Variants in HAT1 observed in about 807,000 individuals in gnomAD.
HAT1 encodes the protein histone acetyltransferase 1.
Under a neutral mutation model 56.6 loss-of-function variants are expected in HAT1, and 20 were observed. That is an observed-to-expected ratio of 0.35 (90% CI 0.25 to 0.51). The LOEUF (loss-of-function observed/expected upper bound fraction) is 0.51. Among genes scored for constraint, HAT1 ranks in the 20% least tolerant of loss-of-function variants. The pLI, the probability that HAT1 is intolerant of heterozygous loss-of-function variation, is 0.95. For missense variants in HAT1, 408 were observed against 504.3 expected, an observed-to-expected ratio of 0.81 and a Z score of 1.83; for synonymous variants, 146 against 165.5, an observed-to-expected ratio of 0.88 and a Z score of 0.91.
intron 2 of HAT1, among the ~76,000 whole-genome samples, chr2:171,936,403 C>G (rs1044871850): frequency 6.6e-6 from 1 of 152,030 alleles, no homozygotes; most frequent in Non-Finnish European, 1.5e-5. Context: ...GAACTGTTAG[C>G]GCAAGATAGG....
At chr2:171,970,578 G>C (rs1687791630) in intron 8 of HAT1, among the ~76,000 whole-genome samples, 1 of 120,916 alleles carries the variant, frequency 8.3e-6, no homozygotes, top group Non-Finnish European at 1.6e-5. Context: ...GGAGTGCAGT[G>C]GTGCGATCTT....
At chr2:171,963,499 T>G (rs997759854) in intron 4 of HAT1, among the ~76,000 whole-genome samples, 1 of 152,166 alleles carries the variant, frequency 6.6e-6, no homozygotes, top group African/African-American at 2.4e-5. Context: ...TGATTTGCAA[T>G]GCCTTCTTGA....
chr2:171,971,385 A>AGAT (rs1261617199), intron 8 of HAT1, among the ~76,000 whole-genome samples: 1 of 152,238 alleles, frequency 6.6e-6, no homozygotes, highest in East Asian at 1.9e-4. Context: ...ATCACTGAAA[A>AGAT]GATCCTTCGT....
intron 9 of HAT1, among the ~76,000 whole-genome samples, chr2:171,978,700 A>G (rs1047733734): frequency 6.6e-6 from 1 of 152,122 alleles, no homozygotes; most frequent in Non-Finnish European, 1.5e-5. Flanking sequence ...ATTGGTCTCT[A>G]TGCACTTCTT....
At chr2:171,977,570 T>A (rs1190430559) in intron 9 of HAT1, among the ~76,000 whole-genome samples, 30 of 74,200 alleles carry the variant, frequency 4.0e-4, no homozygotes, top group African/African-American at 2.3e-3. Context: ...TTTTTTTTTT[T>A]TTTTTTTTTA....
chr2:171,956,352 G>A (rs555446378), intron 4 of HAT1, among the ~76,000 whole-genome samples: 12 of 151,724 alleles, frequency 7.9e-5, no homozygotes, highest in East Asian at 1.9e-4. Context: ...ACACACACAC[G>A]CTGACACACA....
intron 2 of HAT1, among the ~76,000 whole-genome samples, chr2:171,927,712 G>A (rs572970313): frequency 7.1e-4 from 107 of 151,528 alleles, no homozygotes; most frequent in Admixed American, 5.9e-4. Context: ...CTCAGCCTCC[G>A]TAGTAGCTGG....
intron 4 of HAT1, among the ~76,000 whole-genome samples, chr2:171,956,528 A>G (rs932650304): frequency 1.4e-4 from 22 of 152,138 alleles, no homozygotes; most frequent in African/African-American, 5.3e-4. Context: ...ACAAACAAAC[A>G]AACAAAAGAA....
At chr2:171,967,008 T>G (rs1469950739) in intron 8 of HAT1, 59 bp downstream of exon 8, 3 of 764,966 alleles carry the variant, frequency 3.9e-6, no homozygotes, top group Non-Finnish European at 4.5e-6. Flanking sequence ...TCTTACTGAT[T>G]GATTTTATTT....
intron 2 of HAT1, among the ~76,000 whole-genome samples, chr2:171,926,167 T>A (rs930313512): frequency 6.6e-6 from 1 of 152,032 alleles, no homozygotes; most frequent in Non-Finnish European, 1.5e-5. Context: ...ACCCAGGCTG[T>A]AGTGCCACGG....
intron 2 of HAT1, among the ~76,000 whole-genome samples, chr2:171,926,793 A>G (rs1307489903): frequency 6.6e-6 from 1 of 152,258 alleles, no homozygotes; most frequent in Non-Finnish European, 1.5e-5. Flanking sequence ...TTATACTGCC[A>G]GGTATCTGTC....
intron 8 of HAT1, among the ~76,000 whole-genome samples, chr2:171,972,019 G>A (rs1032063844): frequency 2.0e-5 from 3 of 152,142 alleles, no homozygotes; most frequent in Non-Finnish European, 4.4e-5. Context: ...GGGGCTGCAT[G>A]TTGCAAACTC....
At position 171,977,557 on chromosome 2, in the gene HAT1, A is replaced by AT. The variant is rs1172067451; in HGVS notation, c.975+1271dup. 1.8e-3 allele frequency among the ~76,000 whole-genome samples: 30 copies of AT among 16,360 alleles called. 1 individual carries two copies. The highest frequency in any genetic ancestry group is 3.8e-3 in the South Asian group (1 of 264). The allele number at this position is 16,360 out of a possible 152,430, so 10.7% of individuals were successfully genotyped here. On this transcript the variant is annotated intron_variant, in intron 9 of 10. Transcript: ENST00000264108. Reference sequence around the variant, plus strand: ...TATATATATATATATATATATATATATTTTTTTTTTTTTTTTTTTTTTAAT... The same window carrying AT: ...TATATATATATATATATATATATATATTTTTTTTTTTTTTTTTTTTTTTAAT...
intron 4 of HAT1, among the ~76,000 whole-genome samples, chr2:171,960,508 G>T (rs978317860): frequency 1.3e-5 from 2 of 152,100 alleles, no homozygotes; most frequent in African/African-American, 4.8e-5. Flanking sequence ...TTCTTATTAG[G>T]ATTATGTCAT....
chr2:171,937,288 T>C (rs1325971858), intron 2 of HAT1, among the ~76,000 whole-genome samples: 2 of 152,236 alleles, frequency 1.3e-5, no homozygotes, highest in African/African-American at 2.4e-5. Context: ...TCTTCTTTCA[T>C]GCATCTTGCC....
At chr2:171,965,055 G>C (rs1687651684) in intron 4 of HAT1, 1 of 296,150 alleles carries the variant, frequency 3.4e-6, no homozygotes, top group Non-Finnish European at 6.2e-6. Flanking sequence ...ATAGTCAGCT[G>C]TTTCTGCATA....
At chr2:171,933,178 T>A (rs771890655) in intron 2 of HAT1, among the ~76,000 whole-genome samples, 1 of 152,072 alleles carries the variant, frequency 6.6e-6, no homozygotes, top group East Asian at 2.0e-4. Context: ...CACCTCAGCC[T>A]CCTGAGTAGC....
chr2:171,976,615 A>C (rs1413280377), intron 9 of HAT1, among the ~76,000 whole-genome samples: 3 of 152,086 alleles, frequency 2.0e-5, no homozygotes, highest in Non-Finnish European at 2.9e-5. Context: ...TCTTATTTTT[A>C]CTCTTTAAAG....
At chr2:171,972,803 C>G (rs982134276) in intron 8 of HAT1, among the ~76,000 whole-genome samples, 1 of 152,204 alleles carries the variant, frequency 6.6e-6, no homozygotes, top group African/African-American at 2.4e-5. Context: ...TTTTGCTTTC[C>G]TCTCTTTCTT....
Sources: allele counts gnomAD v4.1 joint callset (sites outside exome capture counted in the v4.1 genomes callset), GRCh38; gene constraint gnomAD v4.1.1; transcripts MANE v1.5; gene names NCBI Gene and HGNC (gene_info 2026-07-23, HGNC 2026-07-21).